VWF: variants seen among roughly 807,000 people sequenced by gnomAD.
VWF encodes von Willebrand factor, also known as Factor VIII related antigen.
Under a neutral mutation model 308.6 loss-of-function variants are expected in VWF, and 176 were observed. The ratio of observed to expected loss-of-function variants is 0.57; its 90% CI spans 0.50 to 0.65. VWF has a LOEUF of 0.65. Among genes scored for constraint, VWF ranks in the 30% least tolerant of loss-of-function variants. The pLI is 0.00. For synonymous variants in VWF, 1,385 were observed against 1,443.4 expected (o/e 0.96, Z 0.92); for missense variants, 3,146 against 3,648.2 (o/e 0.86, Z 3.55).
chr12:6,000,734 C>A (rs1197128135), intron 34 of VWF, among the ~76,000 whole-genome samples: 1 of 147,128 alleles, frequency 6.8e-6, no homozygotes, highest in Admixed American at 7.2e-5. Context: ...ATGGCGTGAA[C>A]CTGGGAGGCG....
At chr12:6,057,151 A>G in intron 14 of VWF, 79 bp from the exon 15 acceptor site, 1 of 1,349,336 alleles carries the variant, frequency 7.4e-7, no homozygotes, top group Non-Finnish European at 1.0e-6. Flanking sequence ...ACTCCCCTGG[A>G]AATAGCCCAG....
chr12:5,952,879 C>T (rs533766465), intron 48 of VWF, among the ~76,000 whole-genome samples: 66 of 152,306 alleles, frequency 4.3e-4, no homozygotes, highest in Admixed American at 1.6e-3. Flanking sequence ...GTTTGTTTCA[C>T]GCTGATGGCC....
At chr12:6,026,284 G>A (rs1944191553) in intron 22 of VWF, among the ~76,000 whole-genome samples, 1 of 152,132 alleles carries the variant, frequency 6.6e-6, no homozygotes, top group South Asian at 2.1e-4. Flanking sequence ...GAAACAGAGA[G>A]GCAACATGCC....
chr12:6,085,412 C>T (rs564669093), intron 6 of VWF, among the ~76,000 whole-genome samples: 22 of 152,300 alleles, frequency 1.4e-4, no homozygotes, highest in African/African-American at 5.3e-4. Flanking sequence ...CCTTAGTCTA[C>T]GTTGTATCAC....
intron 34 of VWF, among the ~76,000 whole-genome samples, chr12:6,001,248 T>C (rs534058952): frequency 7.9e-5 from 12 of 152,238 alleles, no homozygotes; most frequent in African/African-American, 2.9e-4. Flanking sequence ...ATGAAAAATA[T>C]ATAACAAACA....
intron 34 of VWF, among the ~76,000 whole-genome samples, chr12:6,007,907 A>G (rs1211161905): frequency 6.6e-6 from 1 of 152,188 alleles, no homozygotes; most frequent in East Asian, 1.9e-4. Flanking sequence ...GTAAGAGACT[A>G]CTATGAACAA....
At chr12:6,026,574 C>T (rs374392088) in intron 22 of VWF, among the ~76,000 whole-genome samples, 1 of 152,184 alleles carries the variant, frequency 6.6e-6, no homozygotes, top group South Asian at 2.1e-4. Context: ...ATATGTCTCA[C>T]CTGTCTCCAT....
chr12:6,036,579 A>C, intron 18 of VWF, 88 bp from the exon 19 acceptor site: 1 of 1,258,726 alleles, frequency 7.9e-7, no homozygotes, highest in Non-Finnish European at 1.1e-6. Flanking sequence ...GTTGTCTGAG[A>C]CTTGAGCCTA....
intron 17 of VWF, 39 bp from the exon 18 acceptor site, chr12:6,044,490 A>G (rs1259616390): frequency 6.2e-6 from 10 of 1,607,034 alleles, no homozygotes; most frequent in African/African-American, 1.3e-5. Flanking sequence ...TTAGTGAAGG[A>G]GAGAATGGAC....
intron 42 of VWF, among the ~76,000 whole-genome samples, chr12:5,976,788 C>T (rs541180250): frequency 1.3e-5 from 2 of 152,228 alleles, no homozygotes; most frequent in East Asian, 3.9e-4. Flanking sequence ...ACAAGGGATC[C>T]TATTGGGAAG....
intron 3 of VWF, among the ~76,000 whole-genome samples, chr12:6,120,723 G>T (rs1945420341): frequency 6.6e-6 from 1 of 152,210 alleles, no homozygotes; most frequent in South Asian, 2.1e-4. Context: ...TTGTGGGGAT[G>T]CAGGGACATG....
intron 47 of VWF, among the ~76,000 whole-genome samples, chr12:5,956,880 T>G (rs1440996342): frequency 6.6e-6 from 1 of 152,188 alleles, no homozygotes; most frequent in Non-Finnish European, 1.5e-5. Context: ...GTAGTAAATT[T>G]AGGGTAGCCT....
intron 19 of VWF, among the ~76,000 whole-genome samples, chr12:6,036,107 G>A (rs960375284): frequency 9.9e-5 from 15 of 152,184 alleles, no homozygotes; most frequent in African/African-American, 2.4e-4. Context: ...ATATTTCAAA[G>A]TCCAAAATAA....
chr12:6,118,114 C>A (rs752128440), intron 3 of VWF, among the ~76,000 whole-genome samples: 1 of 152,212 alleles, frequency 6.6e-6, no homozygotes, highest in Non-Finnish European at 1.5e-5. Flanking sequence ...CCTGGTAGGG[C>A]TACCCTGACT....
chr12:5,978,529 G>A (rs1361377819), intron 42 of VWF, among the ~76,000 whole-genome samples: 1 of 152,144 alleles, frequency 6.6e-6, no homozygotes. Flanking sequence ...CTCCCAAAGT[G>A]CTAGGATTAC....
At chr12:6,066,474 C>T (rs958931765) in intron 10 of VWF, among the ~76,000 whole-genome samples, 23 of 152,352 alleles carry the variant, frequency 1.5e-4, no homozygotes, top group African/African-American at 5.0e-4. Flanking sequence ...AGTCACTCTA[C>T]GGTGCATGTG....
intron 5 of VWF, among the ~76,000 whole-genome samples, chr12:6,103,738 C>G (rs1945210324): frequency 6.6e-6 from 1 of 151,822 alleles, no homozygotes; most frequent in Non-Finnish European, 1.5e-5. Context: ...GGACCCCTAT[C>G]TCTCACCATA....
At chr12:5,968,350 C>T in intron 45 of VWF, 183 bp from the exon 46 acceptor site, 1 of 639,312 alleles carries the variant, frequency 1.6e-6, no homozygotes, top group South Asian at 2.0e-5. Flanking sequence ...ACAGCGGCCT[C>T]CCTTCCCCAT....
In VWF at chr12:6,063,046, G is replaced by A. The variant is rs186112213; in HGVS notation, c.1441C>T (p.Arg481Cys). 1.8e-4 allele frequency: 295 copies of A among 1,613,094 alleles called. No individual in the cohort carries two copies. The highest frequency in any genetic ancestry group is 2.3e-4 in the Non-Finnish European group (276 of 1,179,968). ...VQLPLLKGDL[R>C]IQHTVTASVR... is the part of the protein sequence containing the mutation. ...GAGGCCGTCACTGTATGCTGGATGC[G>A]GAGGTCACCTGGAACCCAGCAGGAC... The change falls in exon 13 of 52, where the codon CGC (arginine) becomes TGC (cysteine). Residue 481 changes from arginine to cysteine, a missense_variant. Physicochemically the swap from Arg to Cys is radical, Grantham distance 180. Around this residue, in one of 3 missense-constraint regions of VWF, gnomAD observed 1,304 missense variants for 1,353.0 expected, o/e 0.96. Transcript: ENST00000261405. This position sits in a 1 kb window ranked among gnomAD's most constrained non-coding sequence, Gnocchi z 4.9.
Sources: allele counts gnomAD v4.1 joint callset (sites outside exome capture counted in the v4.1 genomes callset), GRCh38; gene constraint gnomAD v4.1.1; regional missense constraint gnomAD v4.1.1; non-coding constraint Gnocchi (gnomAD v3.1); transcripts MANE v1.5; gene names NCBI Gene and HGNC (gene_info 2026-07-23, HGNC 2026-07-21).